Variants in LHFPL3 observed in about 807,000 individuals in gnomAD.
The protein encoded by LHFPL3 is LHFPL tetraspan subfamily member 3, also known as LHFPL tetraspan subfamily member 3 protein.
A neutral mutation model predicts 19.3 loss-of-function variants in LHFPL3; 5 were observed. The observed-to-expected ratio is 0.26, with a 90% CI of 0.14 to 0.54. LHFPL3 has a LOEUF of 0.54. LHFPL3 is among the 20% of genes least tolerant of loss of function. LHFPL3 has a pLI of 0.94. For missense variants in LHFPL3, 249 were observed against 307.4 expected (o/e 0.81, Z 1.42); for synonymous variants, 133 against 126.2 (o/e 1.05, Z -0.36).
intron 1 of LHFPL3, among the ~76,000 whole-genome samples, chr7:104,632,793 C>A (rs1001505524): frequency 1.3e-5 from 2 of 152,146 alleles, no homozygotes; most frequent in Non-Finnish European, 2.9e-5. Context: ...ACTACAGGTG[C>A]GCAGCACCAC....
chr7:104,543,656 T>C (rs938268729), intron 1 of LHFPL3, among the ~76,000 whole-genome samples: 1 of 149,212 alleles, frequency 6.7e-6, no homozygotes, highest in African/African-American at 2.5e-5. Context: ...CAGCAAACTA[T>C]CGCAAGGACA....
chr7:104,505,789 T>C (rs1209663265), intron 1 of LHFPL3, among the ~76,000 whole-genome samples: 1 of 152,194 alleles, frequency 6.6e-6, no homozygotes, highest in Non-Finnish European at 1.5e-5. Context: ...GTTATTGTAA[T>C]ATAAAAGCTA....
chr7:104,738,156 C>A (rs116726222), intron 2 of LHFPL3, among the ~76,000 whole-genome samples: 43 of 152,210 alleles, frequency 2.8e-4, no homozygotes, highest in African/African-American at 9.6e-4. Context: ...ACAAAAATAA[C>A]CCTTACACAG....
intron 1 of LHFPL3, among the ~76,000 whole-genome samples, chr7:104,573,034 C>T (rs1790256872): frequency 6.6e-6 from 1 of 152,132 alleles, no homozygotes; most frequent in Non-Finnish European, 1.5e-5. Context: ...TTATTTCTGG[C>T]AGCTGATATC....
rs554480974 is a variant in LHFPL3 at position 104,601,903 on chromosome 7, G to A, written c.446-134772G>A. 9.6e-4 allele frequency among the ~76,000 whole-genome samples: 146 copies of A among 152,132 alleles called. 1 individual carries two copies. The highest frequency in any genetic ancestry group is 1.8e-3 in the Non-Finnish European group (123 of 68,004). On this transcript the variant is annotated intron_variant, in intron 1 of 2. Transcript: ENST00000424859. ...TGCTCACTCCATCTTCAGCAAGGTG[G>A]GACCTACCCAGACAGAGCCCCTGAA...
intron 2 of LHFPL3, among the ~76,000 whole-genome samples, chr7:104,905,155 T>G (rs867757827): frequency 6.6e-6 from 1 of 152,068 alleles, no homozygotes; most frequent in East Asian, 1.9e-4. Flanking sequence ...GGTTTCACTA[T>G]GATGACTACA....
intron 2 of LHFPL3, among the ~76,000 whole-genome samples, chr7:104,875,801 G>A (rs543178345): frequency 6.6e-6 from 1 of 152,182 alleles, no homozygotes; most frequent in African/African-American, 2.4e-5. Flanking sequence ...GATCACCACT[G>A]TGTGTCCCAC....
intron 2 of LHFPL3, among the ~76,000 whole-genome samples, chr7:104,835,537 T>C (rs1012432723): frequency 2.0e-5 from 3 of 151,690 alleles, no homozygotes; most frequent in African/African-American, 4.9e-5. Flanking sequence ...TTCTAGGAGA[T>C]GGCAAACTAA....
intron 1 of LHFPL3, among the ~76,000 whole-genome samples, chr7:104,603,659 A>G (rs1319772201): frequency 6.6e-6 from 1 of 152,220 alleles, no homozygotes; most frequent in Non-Finnish European, 1.5e-5. Context: ...TACTTCCAAA[A>G]TACAGTGGTA....
At chr7:104,585,480 A>AAC (rs57028058) in intron 1 of LHFPL3, among the ~76,000 whole-genome samples, 14,430 of 123,374 alleles carry the variant, frequency 0.12, 1,072 homozygotes, top group Non-Finnish European at 0.15. Flanking sequence ...AACACACACA[A>AAC]ACACACACAC....
Position 104,809,653 on chromosome 7 carries a change from C to T in LHFPL3, c.682+72742C>T, listed in dbSNP as rs996458766. On this transcript the variant is annotated intron_variant, in intron 2 of 2. Transcript: ENST00000424859. ...AAATAATTTTGTATCATATAACATA[C>T]GATTTTTATAATATATATAGTACCA... is the stretch of plus-strand genomic sequence containing the variant. Among the ~76,000 whole-genome samples the T allele has an allele frequency of 5.9e-5, 9 of 152,022 alleles. No homozygotes were observed. The East Asian group carries it at 7.7e-4, about 13-fold the overall frequency.
At position 104,432,858 on chromosome 7, in the gene LHFPL3, C is replaced by T. The variant is rs562566691; in HGVS notation, c.445+103634C>T. ...ATAGATTCACACTCTTTTTTATCTT[C>T]CTGTGTTTTAGCCTTAATCTGGGCC... On this transcript the variant is annotated intron_variant, in intron 1 of 2. Transcript: ENST00000424859. Among the ~76,000 whole-genome samples the T allele has an allele frequency of 2.6e-5, 4 of 152,208 alleles. No individual in the cohort carries two copies. In the East Asian group the frequency reaches 7.7e-4, roughly 29 times the overall value.
At chr7:104,505,972 C>G (rs944776173) in intron 1 of LHFPL3, among the ~76,000 whole-genome samples, 1 of 151,892 alleles carries the variant, frequency 6.6e-6, no homozygotes, top group African/African-American at 2.4e-5. Context: ...ATAGGCATTT[C>G]TTTGAAAATG....
intron 1 of LHFPL3, among the ~76,000 whole-genome samples, chr7:104,662,624 C>T (rs999753852): frequency 1.3e-5 from 2 of 152,110 alleles, no homozygotes; most frequent in Non-Finnish European, 2.9e-5. Context: ...GGATGAATGA[C>T]ACAAACAAAT....
intron 1 of LHFPL3, among the ~76,000 whole-genome samples, chr7:104,664,067 C>T (rs1006633705): frequency 1.3e-5 from 2 of 152,182 alleles, no homozygotes; most frequent in African/African-American, 4.8e-5. Context: ...TTTTAGAAAA[C>T]TGATCATGAT....
intron 2 of LHFPL3, among the ~76,000 whole-genome samples, chr7:104,849,240 T>C (rs1415963709): frequency 6.6e-6 from 1 of 152,144 alleles, no homozygotes; most frequent in East Asian, 1.9e-4. Flanking sequence ...CAACTCTGCC[T>C]TCTTTTCTGC....
chr7:104,601,330 C>A (rs900725446), intron 1 of LHFPL3, among the ~76,000 whole-genome samples: 4 of 152,014 alleles, frequency 2.6e-5, no homozygotes, highest in African/African-American at 9.7e-5. Context: ...TTTTTAAGAT[C>A]CAAATTTATC....
chr7:104,603,355 C>G (rs1372349581), intron 1 of LHFPL3, among the ~76,000 whole-genome samples: 1 of 152,008 alleles, frequency 6.6e-6, no homozygotes, highest in African/African-American at 2.4e-5. Context: ...GCCAGCAAAC[C>G]TGGCTAACTT....
rs115724366 is a variant in LHFPL3 at position 104,349,935 on chromosome 7, C to G, written c.445+20711C>G. ...ATTTAGTGTTATTGCGAAGCTAGTT[C>G]CTTTTGCCCACGATAGTGCCATTTG... is the stretch of plus-strand genomic sequence containing the variant. On this transcript the variant is annotated intron_variant, in intron 1 of 2. Coordinates refer to ENST00000424859, the MANE Select transcript of LHFPL3 (RefSeq NM_199000.3). Among the ~76,000 whole-genome samples, 631 of 152,260 alleles carry G rather than the reference C, an allele frequency of 4.1e-3. 4 individuals carry two copies. The highest frequency in any genetic ancestry group is 0.014 in the African/African-American group (592 of 41,552).
Sources: allele counts gnomAD v4.1 joint callset (sites outside exome capture counted in the v4.1 genomes callset), GRCh38; gene constraint gnomAD v4.1.1; transcripts MANE v1.5; gene names NCBI Gene and HGNC (gene_info 2026-07-23, HGNC 2026-07-21).